AK9: variants seen among roughly 807,000 people sequenced by gnomAD.
AK9 encodes adenylate kinase domain containing 1.
Under a neutral mutation model 239.6 loss-of-function variants are expected in AK9, and 191 were observed. That is an observed-to-expected ratio of 0.80 (90% CI 0.71 to 0.90). AK9 has a LOEUF of 0.90. Among genes scored for constraint, AK9 ranks in the 40% least tolerant of loss-of-function variants. The pLI, the probability that AK9 is intolerant of heterozygous loss-of-function variation, is 0.00. For missense variants in AK9, 1,995 were observed against 2,214.7 expected, an observed-to-expected ratio of 0.90 and a Z score of 1.99; for synonymous variants, 689 against 721.0, an observed-to-expected ratio of 0.96 and a Z score of 0.71.
rs1310378574 is a variant in AK9 at position 109,610,404 on chromosome 6, A to T, written c.1803T>A (p.Tyr601Ter). Reference sequence around the variant, plus strand: ...CCTGTAAGATTTCAGCATGTTTTTCATATGGCTGTTCAAAGTTTATATCCT... The same window carrying T: ...CCTGTAAGATTTCAGCATGTTTTTCTTATGGCTGTTCAAAGTTTATATCCT... ...MSQDINFEQPYEKHAEILQEV... is the reference protein window; with the variant it reads ...MSQDINFEQP Residue 601 changes from tyrosine to a stop codon, truncating the protein, a stop_gained, in exon 17 of 41, where the codon TAT (tyrosine) becomes TAA (stop). Transcript: ENST00000424296. LOFTEE classifies it high-confidence loss of function. 2.6e-6 allele frequency: 4 copies of T among 1,551,688 alleles called. No homozygotes were observed. The highest frequency in any genetic ancestry group is 2.6e-6 in the Non-Finnish European group (3 of 1,146,912).
chr6:109,664,135 T>C (rs796157772), intron 5 of AK9, among the ~76,000 whole-genome samples: 2 of 152,338 alleles, frequency 1.3e-5, no homozygotes, highest in African/African-American at 4.8e-5. Flanking sequence ...TTTTATGATT[T>C]CTAAACAGAT....
chr6:109,538,904 C>A (rs1220173001), intron 27 of AK9, among the ~76,000 whole-genome samples: 7 of 152,182 alleles, frequency 4.6e-5, no homozygotes, highest in South Asian at 4.1e-4. Context: ...GTTGAAAATT[C>A]TTTTCTTTAA....
chr6:109,564,455 G>A (rs1260596879), intron 22 of AK9, among the ~76,000 whole-genome samples, 175 bp from the exon 23 acceptor site: 1 of 151,968 alleles, frequency 6.6e-6, no homozygotes, highest in Non-Finnish European at 1.5e-5. Flanking sequence ...TCTTATATTT[G>A]CTGTAGATAT....
intron 21 of AK9, among the ~76,000 whole-genome samples, chr6:109,571,842 A>G (rs552093497): frequency 6.6e-6 from 1 of 152,260 alleles, no homozygotes; most frequent in African/African-American, 2.4e-5. Context: ...TGCTTTTTCC[A>G]TGATATAAGG....
At position 109,659,324 on chromosome 6, in the gene AK9, A is replaced by G. The variant is rs1207861494; in HGVS notation, c.534T>C (p.Pro178=). 1.2e-6 allele frequency: 2 copies of G among 1,608,462 alleles called. No individual in the cohort carries two copies. Among genetic ancestry groups the G allele is most frequent in the Non-Finnish European group, 1.7e-6 (2 of 1,178,618 alleles). ...TTTTCCTATGATTCTCAATGACTTCAGGATCCCACTGGTCTCTACTGTATA... is the reference window on the plus strand; with the variant it reads ...TTTTCCTATGATTCTCAATGACTTCGGGATCCCACTGGTCTCTACTGTATA... The part of the protein sequence containing the change: ...GYIYSRDQWD[P]EVIENHRKKK... The change falls in exon 7 of 41, where the codon CCT becomes CCC. Residue 178 remains proline, a synonymous_variant. Transcript: ENST00000424296.
intron 6 of AK9, 52 bp from the exon 7 acceptor site, chr6:109,659,465 T>A: frequency 6.4e-7 from 1 of 1,553,568 alleles, no homozygotes; most frequent in South Asian, 1.2e-5. Context: ...ATGCTTTTAA[T>A]TCCCTGTGTA....
chr6:109,647,529 T>C (rs926235919), intron 8 of AK9, among the ~76,000 whole-genome samples: 1 of 152,080 alleles, frequency 6.6e-6, no homozygotes, highest in Non-Finnish European at 1.5e-5. Flanking sequence ...AGTTCAACAA[T>C]AAGAGCTAAC....
At chr6:109,643,989 T>C (rs1009729317) in intron 9 of AK9, among the ~76,000 whole-genome samples, 3 of 152,198 alleles carry the variant, frequency 2.0e-5, no homozygotes, top group Non-Finnish European at 1.5e-5. Context: ...TGTAATACCA[T>C]GCATGTGTAT....
intron 12 of AK9, among the ~76,000 whole-genome samples, chr6:109,628,836 G>A (rs554276680): frequency 3.9e-5 from 6 of 151,972 alleles, no homozygotes; most frequent in South Asian, 2.1e-4. Flanking sequence ...ATCTGTAGGC[G>A]CTCTAAGTAT....
intron 40 of AK9, 53 bp from the exon 41 acceptor site, chr6:109,493,624 T>A: frequency 6.8e-7 from 1 of 1,475,458 alleles, no homozygotes; most frequent in Non-Finnish European, 9.4e-7. Flanking sequence ...AGTGAGTCAT[T>A]AAATGAAAGA....
chr6:109,601,897 C>A (rs752933232), intron 17 of AK9, among the ~76,000 whole-genome samples: 1 of 152,172 alleles, frequency 6.6e-6, no homozygotes, highest in Admixed American at 6.5e-5. Flanking sequence ...AGGATTGCAA[C>A]CCCTGCCTTT....
intron 23 of AK9, 73 bp from the exon 24 acceptor site, chr6:109,563,785 T>A: frequency 7.0e-7 from 1 of 1,424,742 alleles, no homozygotes; most frequent in Middle Eastern, 1.8e-4. Flanking sequence ...TATAGTCAAA[T>A]GTTGGGAAAA....
chr6:109,655,498 T>C (rs945866578), intron 8 of AK9, among the ~76,000 whole-genome samples: 3 of 152,198 alleles, frequency 2.0e-5, no homozygotes, highest in Non-Finnish European at 2.9e-5. Context: ...TTAGTTTGAG[T>C]GTGGTTTCAT....
chr6:109,609,258 C>T (rs1217129425), intron 17 of AK9, among the ~76,000 whole-genome samples: 1 of 152,176 alleles, frequency 6.6e-6, no homozygotes, highest in African/African-American at 2.4e-5. Flanking sequence ...CCCTCACTTG[C>T]AGATCTCCTC....
Position 109,585,182 on chromosome 6 carries a change from C to A in AK9, c.2055G>T (p.Lys685Asn). 1.9e-6 allele frequency: 2 copies of A among 1,055,732 alleles called. No individual in the cohort carries two copies. The highest frequency in any genetic ancestry group is 4.1e-5 in the South Asian group (2 of 49,204). 65.4% of individuals were successfully genotyped at this position (1,055,732 alleles called of 1,614,324 possible). Residue 685 changes from lysine to asparagine, a missense_variant, in exon 19 of 41, where the codon AAG (lysine) becomes AAT (asparagine). Physicochemically the swap from Lys to Asn is moderately conservative, Grantham distance 94. Coordinates refer to ENST00000424296, the MANE Select transcript of AK9 (RefSeq NM_001145128.3). ...GTTCTTCTAATAATCTTTCTAAAAT[C>A]TTAGAGTCAATTTCAGATTTCTTCT... ...YLQKKSEIDS[K>N]ILERLLEELQ...
chr6:109,507,667 C>T (rs1245617298), intron 33 of AK9, among the ~76,000 whole-genome samples: 1 of 152,202 alleles, frequency 6.6e-6, no homozygotes, highest in Admixed American at 6.5e-5. Context: ...GGCTGGTGGT[C>T]ATCAGGAAGT....
At chr6:109,584,236 A>AT (rs1789203846) in intron 19 of AK9, among the ~76,000 whole-genome samples, 2 of 152,120 alleles carry the variant, frequency 1.3e-5, no homozygotes, top group Non-Finnish European at 2.9e-5. Flanking sequence ...CTCTGTAATT[A>AT]TCCACCTCCC....
At chr6:109,515,090 G>A in intron 31 of AK9, among the ~76,000 whole-genome samples, 1 of 152,196 alleles carries the variant, frequency 6.6e-6, no homozygotes, top group Non-Finnish European at 1.5e-5. Flanking sequence ...CTGGCACCTT[G>A]ATCTTGAACT....
chr6:109,618,844 C>T (rs114844875), intron 13 of AK9, among the ~76,000 whole-genome samples: 3,202 of 151,898 alleles, frequency 0.021, 102 homozygotes, highest in African/African-American at 0.074. Flanking sequence ...GTAAGGTAGA[C>T]CCATTGGAGA....
Sources: gnomAD v4.1 joint callset for allele counts (sites outside exome capture counted in the v4.1 genomes callset) on GRCh38, gnomAD v4.1.1 for gene constraint, MANE v1.5 for transcripts, NCBI Gene and HGNC (gene_info 2026-07-23, HGNC 2026-07-21) for gene names.